KTN1: variants seen among roughly 807,000 people sequenced by gnomAD.
KTN1 encodes the protein kinectin.
KTN1 carries 130 observed loss-of-function variants against 222.5 expected under a neutral mutation model. The observed-to-expected ratio is 0.58, with a 90% CI of 0.51 to 0.68. The LOEUF (loss-of-function observed/expected upper bound fraction) is 0.68, where lower values mean the gene tolerates loss of function less well. KTN1 is among the 30% of genes least tolerant of loss of function. The probability of loss-of-function intolerance (pLI) is 0.00; values close to 1 mark genes in which losing one functional copy is unlikely to be tolerated. For missense variants in KTN1, 1,508 were observed against 1,500.4 expected, an observed-to-expected ratio of 1.01 and a Z score of -0.08; for synonymous variants, 512 against 496.3, an observed-to-expected ratio of 1.03 and a Z score of -0.42.
At chr14:55,583,937 A>T (rs1216238309) in intron 1 of KTN1, among the ~76,000 whole-genome samples, 2 of 152,206 alleles carry the variant, frequency 1.3e-5, no homozygotes, top group Non-Finnish European at 2.9e-5. Flanking sequence ...TTATCTTGAA[A>T]ATATAACCAG....
intron 4 of KTN1, among the ~76,000 whole-genome samples, chr14:55,618,820 G>A (rs1337744915): frequency 6.6e-6 from 1 of 152,124 alleles, no homozygotes; most frequent in Non-Finnish European, 1.5e-5. Context: ...GTTTTTCACA[G>A]TTGGTTGTCA....
At chr14:55,654,033 A>G (rs1032317165) in intron 28 of KTN1, among the ~76,000 whole-genome samples, 30 of 152,188 alleles carry the variant, frequency 2.0e-4, no homozygotes, top group Non-Finnish European at 1.5e-4. Flanking sequence ...ATTTATTTAT[A>G]GGGAAAATGG....
chr14:55,597,949 C>T (rs1428149689), intron 1 of KTN1, among the ~76,000 whole-genome samples: 1 of 152,068 alleles, frequency 6.6e-6, no homozygotes. Context: ...TTCAGGCTTT[C>T]ACCATTTAAT....
intron 1 of KTN1, among the ~76,000 whole-genome samples, chr14:55,581,100 T>C (rs1394264910): frequency 6.6e-6 from 1 of 152,188 alleles, no homozygotes; most frequent in Non-Finnish European, 1.5e-5. Context: ...AAAAGTGAGA[T>C]TTTTGGCCTT....
chr14:55,635,880 T>C (rs2041065879), intron 9 of KTN1, among the ~76,000 whole-genome samples: 1 of 152,176 alleles, frequency 6.6e-6, no homozygotes, highest in South Asian at 2.1e-4. Context: ...TTCTTAAGTC[T>C]TGTTGGGAGA....
Position 55,588,690 on chromosome 14 carries a change from G to A in KTN1, c.-31+8336G>A, listed in dbSNP as rs552221070. On this transcript the variant is annotated intron_variant, in intron 1 of 43. Transcript: ENST00000395314. ...GTACTGCAGTTAATTTTATGCAGTT[G>A]TGATTTGGTACTGTATCTTGACCTT... Among the ~76,000 whole-genome samples, 14 of 152,260 alleles carry A rather than the reference G, an allele frequency of 9.2e-5. No individual in the cohort carries two copies. In the East Asian group the frequency reaches 1.3e-3, roughly 15 times the overall value.
intron 2 of KTN1, 122 bp from the exon 3 acceptor site, chr14:55,616,395 C>A: frequency 2.6e-6 from 2 of 771,468 alleles, no homozygotes; most frequent in Non-Finnish European, 4.1e-6. Context: ...TTGGTGAGAG[C>A]GTTATATGTC....
At chr14:55,661,783 G>GT (rs537312946) in intron 32 of KTN1, 171 bp downstream of exon 32, 25 of 396,860 alleles carry the variant, frequency 6.3e-5, no homozygotes, top group East Asian at 1.5e-4. Flanking sequence ...TTGGAGAACA[G>GT]TTTTTTTTAA....
intron 18 of KTN1, among the ~76,000 whole-genome samples, chr14:55,646,308 T>G (rs868515207): frequency 6.6e-6 from 1 of 152,182 alleles, no homozygotes; most frequent in Non-Finnish European, 1.5e-5. Flanking sequence ...CACTGAGCTG[T>G]GAACAGGATT....
rs1230503966 is a variant in KTN1 at position 55,621,615 on chromosome 14, G to A, written c.963+2303G>A. On this transcript the variant is annotated intron_variant, in intron 5 of 43. Transcript: ENST00000395314. ...TCTTGTGAGACTTATTCACGACCAG[G>A]AAAACAGTATGGGGGAAACTGCCTT... 2.6e-5 allele frequency among the ~76,000 whole-genome samples: 4 copies of A among 151,984 alleles called. No individual in the cohort carries two copies. The East Asian group carries it at 7.7e-4, about 29-fold the overall frequency.
At chr14:55,683,872 A>C in intron 43 of KTN1, 1 of 431,812 alleles carries the variant, frequency 2.3e-6, no homozygotes, top group Middle Eastern at 3.7e-4. Context: ...AATGTTTTCT[A>C]ACAGAATTTG....
At chr14:55,628,056 A>G in intron 6 of KTN1, 28 bp downstream of exon 6, 2 of 1,306,858 alleles carry the variant, frequency 1.5e-6, no homozygotes, top group Middle Eastern at 1.8e-4. Flanking sequence ...TACGAGGGAT[A>G]TACTTCCCAA....
chr14:55,656,985 A>G (rs904761260), intron 29 of KTN1, among the ~76,000 whole-genome samples: 1 of 152,230 alleles, frequency 6.6e-6, no homozygotes, highest in Admixed American at 6.5e-5. Context: ...TCTTACCTTC[A>G]TGCAGTTAGT....
chr14:55,647,949 A>G (rs1052975801), intron 19 of KTN1, 76 bp from the exon 20 acceptor site: 4 of 443,224 alleles, frequency 9.0e-6, no homozygotes, highest in African/African-American at 6.4e-5. Context: ...GTCTCAAAAA[A>G]AAATAATAAT....
intron 1 of KTN1, among the ~76,000 whole-genome samples, chr14:55,593,884 A>G (rs1207904000): frequency 6.6e-6 from 1 of 151,708 alleles, no homozygotes; most frequent in African/African-American, 2.4e-5. Context: ...AGCTGTGCAA[A>G]TCTTGACCCC....
intron 29 of KTN1, among the ~76,000 whole-genome samples, chr14:55,658,232 G>A (rs1475126939): frequency 6.6e-6 from 1 of 152,000 alleles, no homozygotes; most frequent in Non-Finnish European, 1.5e-5. Flanking sequence ...CCACAACAAA[G>A]AAAAATATGA....
intron 5 of KTN1, among the ~76,000 whole-genome samples, chr14:55,620,993 C>G (rs2039060644): frequency 6.6e-6 from 1 of 152,186 alleles, no homozygotes; most frequent in African/African-American, 2.4e-5. Context: ...TAATAGCACC[C>G]AGGTCACCTC....
rs1210487866 is a variant in KTN1 at position 55,644,241 on chromosome 14, C to T, written c.2172+2481C>T. On this transcript the variant is annotated intron_variant, in intron 18 of 43. Coordinates refer to ENST00000395314, the MANE Select transcript of KTN1 (RefSeq NM_001079521.2). ...CTTAATTTCTGTCATTTCCACTTTT[C>T]TTTAACCCCTTTCTATCCCACAGTC... is the stretch of plus-strand genomic sequence containing the variant. 11 of 435,260 alleles carry T rather than the reference C, an allele frequency of 2.5e-5. No individual in the cohort carries two copies. In the Admixed American group the frequency reaches 3.7e-4, roughly 15 times the overall value. 27.0% of individuals were successfully genotyped at this position (435,260 alleles called of 1,614,324 possible). A position where few individuals can be genotyped will look rare whatever the true frequency, so the allele number is the denominator to read the frequency against.
chr14:55,634,642 C>T lies in KTN1; in HGVS notation c.1445C>T (p.Ala482Val), dbSNP rs556442522. 1 of 1,612,640 alleles carries T rather than the reference C, an allele frequency of 6.2e-7. No individual in the cohort carries two copies. Among genetic ancestry groups the T allele is most frequent in the Non-Finnish European group, 8.5e-7 (1 of 1,179,374 alleles). Residue 482 changes from alanine to valine, a missense_variant, in exon 9 of 44, where the codon GCA (alanine) becomes GTA (valine). Transcript: ENST00000395314. ...EEVQKKNAEQ[A>V]ATQLKVQLQE... ...GTCCAAAAGAAGAATGCTGAGCAAGCAGCTACTCAGTTGAAGGTGATATAT... is the reference window on the plus strand; with the variant it reads ...GTCCAAAAGAAGAATGCTGAGCAAGTAGCTACTCAGTTGAAGGTGATATAT...
Sources: gnomAD v4.1 joint callset for allele counts (sites outside exome capture counted in the v4.1 genomes callset) on GRCh38, gnomAD v4.1.1 for gene constraint, MANE v1.5 for transcripts, NCBI Gene and HGNC (gene_info 2026-07-23, HGNC 2026-07-21) for gene names.